Variants in SGMS1 observed in about 807,000 individuals in gnomAD.
SGMS1 encodes the protein phosphatidylcholine:ceramide cholinephosphotransferase 1.
SGMS1 carries 13 observed loss-of-function variants against 46.2 expected under a neutral mutation model. That is an observed-to-expected ratio of 0.28 (90% CI 0.18 to 0.45). The LOEUF (loss-of-function observed/expected upper bound fraction) is 0.45, where lower values mean the gene tolerates loss of function less well. Ranked by LOEUF, SGMS1 falls within the 20% of genes least tolerant of loss-of-function variation. The pLI is 1.00. For missense variants in SGMS1, 324 were observed against 519.9 expected, an observed-to-expected ratio of 0.62 and a Z score of 3.66; for synonymous variants, 203 against 187.8, an observed-to-expected ratio of 1.08 and a Z score of -0.66.
At chr10:50,416,837 T>TAAAA (rs36028635) in intron 6 of SGMS1, among the ~76,000 whole-genome samples, 11 of 117,256 alleles carry the variant, frequency 9.4e-5, no homozygotes, top group Non-Finnish European at 1.2e-4. Context: ...TTTATAGAAC[T>TAAAA]AAAAAAAAAA....
At chr10:50,560,317 TTAATA>T (rs1838223908) in intron 2 of SGMS1, among the ~76,000 whole-genome samples, 2 of 138,850 alleles carry the variant, frequency 1.4e-5, no homozygotes, top group South Asian at 4.3e-4. Context: ...TTACATATTA[TTAATA>T]TTATATATTA....
chr10:50,518,482 A>G (rs1391027274), intron 3 of SGMS1, among the ~76,000 whole-genome samples: 1 of 152,202 alleles, frequency 6.6e-6, no homozygotes, highest in Non-Finnish European at 1.5e-5. Context: ...GCTGGAGTGC[A>G]ATGGCATGAT....
At chr10:50,406,025 ATACACACACACATACACATACATG>A (rs1307514010) in intron 6 of SGMS1, among the ~76,000 whole-genome samples, 1 of 152,156 alleles carries the variant, frequency 6.6e-6, no homozygotes, top group African/African-American at 2.4e-5. Context: ...AAATATATAT[ATACACACACACATACACATACATG>A]TGCAATTACC....
At chr10:50,388,469 A>AC (rs1373418315) in intron 6 of SGMS1, among the ~76,000 whole-genome samples, 1 of 140,658 alleles carries the variant, frequency 7.1e-6, no homozygotes. Flanking sequence ...CCCTGTCTCT[A>AC]CTAAAAAAAA....
At chr10:50,349,508 T>C (rs1390456455) in intron 6 of SGMS1, among the ~76,000 whole-genome samples, 1 of 151,940 alleles carries the variant, frequency 6.6e-6, no homozygotes, top group East Asian at 1.9e-4. Flanking sequence ...CTCTGGGAAA[T>C]AGGATTAACA....
At chr10:50,547,593 C>T (rs1420580672) in intron 2 of SGMS1, among the ~76,000 whole-genome samples, 1 of 152,172 alleles carries the variant, frequency 6.6e-6, no homozygotes, top group African/African-American at 2.4e-5. Context: ...TATAGATTCA[C>T]AGCTGAATTC....
At chr10:50,448,837 T>G (rs1369530169) in intron 5 of SGMS1, among the ~76,000 whole-genome samples, 1 of 151,484 alleles carries the variant, frequency 6.6e-6, no homozygotes, top group Non-Finnish European at 1.5e-5. Context: ...ATCCAAAATA[T>G]TCAAAGAACT....
intron 2 of SGMS1, among the ~76,000 whole-genome samples, chr10:50,569,865 G>C (rs1052721712): frequency 6.6e-6 from 1 of 152,046 alleles, no homozygotes; most frequent in Non-Finnish European, 1.5e-5. Context: ...AAGAAGCTGG[G>C]GTGATCCCTC....
intron 5 of SGMS1, among the ~76,000 whole-genome samples, chr10:50,447,598 C>A (rs560519297): frequency 2.6e-5 from 4 of 151,786 alleles, no homozygotes; most frequent in Non-Finnish European, 5.9e-5. Context: ...AAAATATAAC[C>A]CATATTGTTT....
intron 3 of SGMS1, among the ~76,000 whole-genome samples, chr10:50,509,192 G>A (rs745414443): frequency 4.9e-4 from 74 of 152,048 alleles, no homozygotes; most frequent in Admixed American, 4.6e-4. Context: ...TCAACCCCAC[G>A]AATCACAGCC....
chr10:50,506,333 T>C (rs962418920), intron 3 of SGMS1, among the ~76,000 whole-genome samples: 1 of 152,194 alleles, frequency 6.6e-6, no homozygotes, highest in Non-Finnish European at 1.5e-5. Context: ...CTCTAGTGCC[T>C]GAAAAATAGC....
intron 7 of SGMS1, among the ~76,000 whole-genome samples, chr10:50,334,153 C>T (rs946753570): frequency 6.6e-6 from 1 of 152,120 alleles, no homozygotes. Flanking sequence ...AAATGCTACC[C>T]TATAAGACAT....
At chr10:50,625,070 G>C (rs948430109), upstream of SGMS1, 3 of 993,468 alleles carry the variant, frequency 3.0e-6, no homozygotes, top group African/African-American at 5.2e-5. Flanking sequence ...CCACCGCTCG[G>C]CACCTGCCTC....
intron 3 of SGMS1, among the ~76,000 whole-genome samples, chr10:50,482,095 C>T (rs181288326): frequency 7.2e-5 from 11 of 152,280 alleles, no homozygotes; most frequent in African/African-American, 2.4e-4. Context: ...TGGAAACATA[C>T]TTCAGGATAT....
chr10:50,624,124 TG>T, upstream of SGMS1: 1 of 985,398 alleles, frequency 1.0e-6, no homozygotes, highest in Non-Finnish European at 1.2e-6. Context: ...AGTCGCAGTT[TG>T]GGCCCCTTGA....
At chr10:50,330,827 A>G (rs1847613176) in intron 7 of SGMS1, among the ~76,000 whole-genome samples, 1 of 152,208 alleles carries the variant, frequency 6.6e-6, no homozygotes, top group Non-Finnish European at 1.5e-5. Flanking sequence ...GTCTCTGATT[A>G]GTGATTCCAG....
chr10:50,579,490 G>A (rs947770969), intron 2 of SGMS1, among the ~76,000 whole-genome samples: 8 of 151,998 alleles, frequency 5.3e-5, no homozygotes, highest in Admixed American at 1.3e-4. Context: ...TGAAAAACCC[G>A]AGAGAAAAAA....
chr10:50,340,155 C>T (rs369490541), intron 7 of SGMS1, among the ~76,000 whole-genome samples: 2 of 152,150 alleles, frequency 1.3e-5, no homozygotes, highest in East Asian at 3.9e-4. Flanking sequence ...CTATGACCAC[C>T]ACACTAAGTC....
intron 2 of SGMS1, among the ~76,000 whole-genome samples, chr10:50,548,562 A>G (rs1838121425): frequency 6.6e-6 from 1 of 152,224 alleles, no homozygotes; most frequent in East Asian, 1.9e-4. Flanking sequence ...AAGTTAACTC[A>G]GGATGGATTA....
Sources: gnomAD v4.1 joint callset for allele counts (sites outside exome capture counted in the v4.1 genomes callset) on GRCh38, gnomAD v4.1.1 for gene constraint, MANE v1.5 for transcripts, NCBI Gene and HGNC (gene_info 2026-07-23, HGNC 2026-07-21) for gene names.